Variants in ELAC2 observed in about 807,000 individuals in gnomAD.
ELAC2 encodes the protein elaC ribonuclease Z 2.
In ELAC2, 92 loss-of-function variants were observed where a neutral mutation model predicts 105.2. That is an observed-to-expected ratio of 0.87 (90% CI 0.74 to 1.04). The LOEUF is 1.04. Ranked by LOEUF, ELAC2 falls within the 50% of genes least tolerant of loss-of-function variation. The pLI, the probability that ELAC2 is intolerant of heterozygous loss-of-function variation, is 0.00. For synonymous variants in ELAC2, 468 were observed against 409.1 expected (o/e 1.14, Z -1.74); for missense variants, 1,099 against 1,071.7 (o/e 1.03, Z -0.36).
Position 12,991,712 on chromosome 17 carries a change from A to T in ELAC2, c.*1106T>A, listed in dbSNP as rs2040162952. The T allele has an allele frequency of 4.7e-6, 1 of 210,818 alleles. No homozygotes were observed. The highest frequency in any genetic ancestry group is 9.7e-6 in the Non-Finnish European group (1 of 103,614). The allele number at this position is 210,818 out of a possible 1,614,324, so 13.1% of individuals were successfully genotyped here. A position where few individuals can be genotyped will look rare whatever the true frequency, so the allele number is the denominator to read the frequency against. On this transcript the variant is annotated 3_prime_UTR_variant, in exon 24 of 24. Coordinates refer to ENST00000338034, the MANE Select transcript of ELAC2 (RefSeq NM_018127.7). ...CCGTCAATCTCAAATGCACACCGGGATGGAGCCTGAAGGTCACCACCTGTG... is the reference window on the plus strand; with the variant it reads ...CCGTCAATCTCAAATGCACACCGGGTTGGAGCCTGAAGGTCACCACCTGTG...
intron 8 of ELAC2, among the ~76,000 whole-genome samples, chr17:13,007,831 T>C (rs980363284): frequency 2.0e-5 from 3 of 151,916 alleles, no homozygotes; most frequent in African/African-American, 7.3e-5. Context: ...TGAGCTAAGA[T>C]TGCGCCACCG....
chr17:13,003,896 C>A (rs1016521434), intron 11 of ELAC2: 1 of 330,458 alleles, frequency 3.0e-6, no homozygotes, highest in South Asian at 3.3e-5. Context: ...CAGACCCAGG[C>A]TCTCCCTGCC....
intron 22 of ELAC2, among the ~76,000 whole-genome samples, chr17:12,994,039 C>G (rs1167471232): frequency 1.3e-5 from 2 of 152,186 alleles, no homozygotes; most frequent in African/African-American, 4.8e-5. Context: ...TCTGTGCTGG[C>G]TGCCAAATCT....
intron 16 of ELAC2, among the ~76,000 whole-genome samples, chr17:12,996,913 T>A (rs1160947551): frequency 6.6e-6 from 1 of 150,738 alleles, no homozygotes; most frequent in Non-Finnish European, 1.5e-5. Flanking sequence ...TGAAACCCTT[T>A]CAAGTAGACT....
In ELAC2 at chr17:12,992,142, G is replaced by GAT. The variant is rs150542071; in HGVS notation, c.*674_*675dup. On this transcript the variant is annotated 3_prime_UTR_variant, in exon 24 of 24. Transcript: ENST00000338034. ...CACTGATTGATTTGATTGATTGATTGATTGATTGATAGAGAAAGCACGCCC... is the reference window on the plus strand; with the variant it reads ...CACTGATTGATTTGATTGATTGATTGATATTGATTGATAGAGAAAGCACGCCC... Among the ~76,000 whole-genome samples the GAT allele has an allele frequency of 6.6e-6, 1 of 150,758 alleles. No homozygotes were observed. Among genetic ancestry groups the GAT allele is most frequent in the Non-Finnish European group, 1.5e-5 (1 of 67,842 alleles).
chr17:13,000,442 C>T (rs996163635), intron 14 of ELAC2, 168 bp from the exon 15 acceptor site: 20 of 686,650 alleles, frequency 2.9e-5, no homozygotes, highest in South Asian at 1.4e-4. Flanking sequence ...GCTCCACCGC[C>T]TTTTGGATGC....
At chr17:12,993,608 G>A in intron 23 of ELAC2, 79 bp downstream of exon 23, 2 of 1,601,006 alleles carry the variant, frequency 1.2e-6, no homozygotes, top group Non-Finnish European at 1.7e-6. Context: ...GCAAACTCCA[G>A]CTGACCGTCC....
At chr17:13,014,256 G>GCACTC (rs2041596274) in intron 5 of ELAC2, among the ~76,000 whole-genome samples, 183 bp downstream of exon 5, 1 of 133,438 alleles carries the variant, frequency 7.5e-6, no homozygotes, top group Non-Finnish European at 1.5e-5. Context: ...TCATGCCACT[G>GCACTC]CACTCCAGCC....
In ELAC2 at chr17:12,993,184, A is replaced by C. The variant is rs556017545; in HGVS notation, c.2254-139T>G. 5 of 944,622 alleles carry C rather than the reference A, an allele frequency of 5.3e-6. No homozygotes were observed. The African/African-American group carries it at 8.1e-5, about 15-fold the overall frequency. The allele number at this position is 944,622 out of a possible 1,614,324, so 58.5% of individuals were successfully genotyped here. A position where few individuals can be genotyped will look rare whatever the true frequency, so the allele number is the denominator to read the frequency against. On this transcript the variant is annotated intron_variant, in intron 23 of 23. Transcript: ENST00000338034. The stretch of plus-strand genomic sequence containing the variant: ...GCACAAGCCAACAGGCCACAGCTGA[A>C]ATGGAAAAAAGAATGGCATGGAGGG...
At chr17:13,003,239 A>G (rs2040919646) in intron 12 of ELAC2, among the ~76,000 whole-genome samples, 1 of 152,192 alleles carries the variant, frequency 6.6e-6, no homozygotes, top group South Asian at 2.1e-4. Context: ...CACCCTGAAG[A>G]GTGTGGAGGG....
chr17:13,006,365 G>T, intron 8 of ELAC2: 1 of 211,534 alleles, frequency 4.7e-6, no homozygotes, highest in Non-Finnish European at 9.7e-6. Flanking sequence ...GCGAAAGTCT[G>T]TCTCAAAAAA....
intron 21 of ELAC2, 28 bp downstream of exon 21, chr17:12,994,736 A>T (rs746212999): frequency 6.2e-7 from 1 of 1,613,536 alleles, no homozygotes; most frequent in African/African-American, 1.3e-5. Context: ...GAGCAACCTC[A>T]GGGTGGCTTG....
chr17:13,009,525 C>T (rs1435574671), intron 8 of ELAC2, among the ~76,000 whole-genome samples: 3 of 152,170 alleles, frequency 2.0e-5, no homozygotes, highest in Non-Finnish European at 4.4e-5. Context: ...TTTGTGAATG[C>T]TAGCTAATAT....
rs771858858 is a variant in ELAC2, at chr17:13,000,284, G to A, written c.1305-10C>T. Reference sequence around the variant, plus strand: ...AGTAATAATGGCATCCCTGCAGGAAGAGAGAGAAGCATCTCAGGTGACGGA... The same window carrying A: ...AGTAATAATGGCATCCCTGCAGGAAAAGAGAGAAGCATCTCAGGTGACGGA... On this transcript the variant is annotated splice_polypyrimidine_tract_variant and intron_variant, in intron 14 of 23. Coordinates refer to ENST00000338034, the MANE Select transcript of ELAC2 (RefSeq NM_018127.7). 3.7e-6 allele frequency: 6 copies of A among 1,612,004 alleles called. No homozygotes were observed. Among genetic ancestry groups the A allele is most frequent in the Admixed American group, 1.7e-5 (1 of 60,028 alleles).
chr17:12,998,528 A>C lies in ELAC2; in HGVS notation c.1424-20T>G, dbSNP rs368731931. On this transcript the variant is annotated intron_variant, in intron 15 of 23. Coordinates refer to ENST00000338034, the MANE Select transcript of ELAC2 (RefSeq NM_018127.7). ...TTTTCTCTGTGAAAAAATCCATGTG[A>C]AACAATCCATTCCTTTGGGTCAAAA... The C allele has an allele frequency of 6.2e-7, 1 of 1,606,836 alleles. No individual in the cohort carries two copies.
chr17:12,997,903 A>G (rs942645776), intron 16 of ELAC2, among the ~76,000 whole-genome samples: 1 of 152,236 alleles, frequency 6.6e-6, no homozygotes, highest in South Asian at 2.1e-4. Flanking sequence ...GGGGAATCCA[A>G]TAAAGGTTCT....
intron 4 of ELAC2, among the ~76,000 whole-genome samples, chr17:13,015,258 G>C (rs1164940544): frequency 6.6e-6 from 1 of 152,222 alleles, no homozygotes. Context: ...AGAGACAAAT[G>C]GATGGATTTC....
chr17:12,999,330 G>A (rs893576998), intron 15 of ELAC2, among the ~76,000 whole-genome samples: 4 of 152,194 alleles, frequency 2.6e-5, no homozygotes, highest in African/African-American at 9.6e-5. Flanking sequence ...GCCCTACCAG[G>A]TAGGAAATGC....
intron 5 of ELAC2, among the ~76,000 whole-genome samples, chr17:13,014,107 C>T (rs2143675760): frequency 6.6e-6 from 1 of 152,206 alleles, no homozygotes; most frequent in East Asian, 1.9e-4. Flanking sequence ...TCCTGGCCAA[C>T]ATGGTGAAAC....
Sources: gnomAD v4.1 joint callset for allele counts (sites outside exome capture counted in the v4.1 genomes callset) on GRCh38, gnomAD v4.1.1 for gene constraint, MANE v1.5 for transcripts, NCBI Gene and HGNC (gene_info 2026-07-23, HGNC 2026-07-21) for gene names.